The following ULBP1 variants were observed in gnomAD, a reference collection of about 807,000 sequenced individuals.
The protein encoded by ULBP1 is UL16-binding protein 1.
Under a neutral mutation model 25.3 loss-of-function variants are expected in ULBP1, and 28 were observed. The observed-to-expected ratio is 1.10, with a 90% confidence interval of 0.82 to 1.51. The LOEUF (loss-of-function observed/expected upper bound fraction) is 1.51. Ranked by LOEUF, ULBP1 falls within the 40% of genes most tolerant of loss-of-function variation. ULBP1 has a pLI of 0.00. For missense variants in ULBP1, 348 were observed against 290.9 expected (o/e 1.20, Z -1.43); for synonymous variants, 129 against 103.0 (o/e 1.25, Z -1.53).
chr6:149,965,787 C>G (rs1193631027), intron 1 of ULBP1, among the ~76,000 whole-genome samples: 2 of 152,128 alleles, frequency 1.3e-5, no homozygotes, highest in Non-Finnish European at 2.9e-5. Flanking sequence ...TTCACTTTCA[C>G]CACCCAGGTC....
rs1333324718 is a variant in ULBP1, at chr6:149,973,310, C to G, written c.*1964C>G. The G allele has an allele frequency of 6.6e-6, 1 of 152,154 alleles. No individual in the cohort carries two copies. Among genetic ancestry groups the G allele is most frequent in the African/African-American group, 2.4e-5 (1 of 41,442 alleles). 9.4% of individuals were successfully genotyped at this position (152,154 alleles called of 1,614,324 possible). On this transcript the variant is annotated 3_prime_UTR_variant, in exon 5 of 5. Transcript: ENST00000229708. ...CATGAACCACAGATGCTGGAGATCA[C>G]CAGACCGGGGAGAGAAGAGGGGCAC...
chr6:149,970,473 C>A (rs916493092), intron 4 of ULBP1, among the ~76,000 whole-genome samples: 2 of 152,198 alleles, frequency 1.3e-5, no homozygotes, highest in African/African-American at 4.8e-5. Context: ...GCAGCAGAAA[C>A]TCAGGCATGG....
At chr6:149,970,975 G>A (rs1461665266) in intron 4 of ULBP1, among the ~76,000 whole-genome samples, 2 of 152,248 alleles carry the variant, frequency 1.3e-5, no homozygotes, top group Middle Eastern at 3.2e-3. Context: ...GAAAGGCTGA[G>A]AGTGAAGGGA....
At position 149,968,737 on chromosome 6, in the gene ULBP1, A is replaced by G; in HGVS notation, c.216A>G (p.Lys72=). The G allele has an allele frequency of 6.2e-7, 1 of 1,614,286 alleles. No individual in the cohort carries two copies. Among genetic ancestry groups the G allele is most frequent in the Non-Finnish European group, 8.5e-7 (1 of 1,180,054 alleles). Residue 72 remains lysine (K), a synonymous_variant, in exon 2 of 5, where the codon AAA becomes AAG. Transcript: ENST00000229708. ...ATGACTGTGTTAACCACAAGGCCAAAGCCTTTGCTTCTCTGGGGAAGAAAG... is the reference window on the plus strand; with the variant it reads ...ATGACTGTGTTAACCACAAGGCCAAGGCCTTTGCTTCTCTGGGGAAGAAAG... ...LHYDCVNHKA[K]AFASLGKKVN...
At chr6:149,969,581 C>G (rs1484077369) in intron 3 of ULBP1, among the ~76,000 whole-genome samples, 1 of 152,140 alleles carries the variant, frequency 6.6e-6, no homozygotes, top group African/African-American at 2.4e-5. Context: ...GCTCTACCCA[C>G]CGCATTTCTC....
In ULBP1 at chr6:149,968,712, A is replaced by C. The variant is rs771993534; in HGVS notation, c.191A>C (p.Tyr64Ser). 6.2e-7 allele frequency: 1 copy of C among 1,614,250 alleles called. No homozygotes were observed. Among genetic ancestry groups the C allele is most frequent in the Non-Finnish European group, 8.5e-7 (1 of 1,180,050 alleles). Reference protein sequence around the residue: ...GLVDERPFLHYDCVNHKAKAF... With the variant: ...GLVDERPFLHSDCVNHKAKAF... Reference sequence around the variant, plus strand: ...GTGGATGAAAGGCCTTTTCTTCACTATGACTGTGTTAACCACAAGGCCAAA... The same window carrying C: ...GTGGATGAAAGGCCTTTTCTTCACTCTGACTGTGTTAACCACAAGGCCAAA... Residue 64 changes from tyrosine to serine, a missense_variant, in exon 2 of 5, where the codon TAT becomes TCT. Physicochemically the swap from Tyr to Ser is moderately radical, Grantham distance 144 (BLOSUM62 -2). Coordinates refer to ENST00000229708, the MANE Select transcript of ULBP1 (RefSeq NM_025218.4).
rs377724434 is a variant in ULBP1, at chr6:149,969,175, A to C, written c.440A>C (p.Lys147Thr). The part of the protein sequence containing the change: ...GSWQFLFNGQ[K>T]FLLFDSNNRK... ...TGGCAGTTCCTCTTCAATGGACAGA[A>C]GTTCCTCCTCTTTGACTCAAACAAC... Residue 147 changes from lysine to threonine, a missense_variant, in exon 3 of 5, where the codon AAG becomes ACG. Physicochemically the swap from Lys to Thr is moderately conservative, Grantham distance 78 (BLOSUM62 -1). Coordinates refer to ENST00000229708, the MANE Select transcript of ULBP1 (RefSeq NM_025218.4). The C allele has an allele frequency of 1.6e-4, 252 of 1,614,252 alleles. 1 individual carries two copies. The South Asian group carries it at 2.3e-3, about 15-fold the overall frequency.
At chr6:149,964,889 C>A (rs1180823637) in intron 1 of ULBP1, among the ~76,000 whole-genome samples, 1 of 143,020 alleles carries the variant, frequency 7.0e-6, no homozygotes, top group South Asian at 2.3e-4. Context: ...ATCGCGGTAC[C>A]CCCGAACATC....
chr6:149,968,462 T>C, intron 1 of ULBP1, 145 bp from the exon 2 acceptor site: 1 of 1,138,950 alleles, frequency 8.8e-7, no homozygotes. Context: ...TTAACTAGTT[T>C]TCATGACAGT....
Position 149,963,961 on chromosome 6 carries a change from G to A in ULBP1, c.-89G>A, listed in dbSNP as rs1213303501. On this transcript the variant is annotated 5_prime_UTR_variant, in exon 1 of 5. Coordinates refer to ENST00000229708, the MANE Select transcript of ULBP1 (RefSeq NM_025218.4). ...GCCCAGTGTATCCCTGCGCGCGGCG[G>A]GCCGGGCTGGGCAGCTTTATAAACA... 1.5e-6 allele frequency: 2 copies of A among 1,357,360 alleles called. No homozygotes were observed. The highest frequency in any genetic ancestry group is 1.0e-6 in the Non-Finnish European group (1 of 974,108). The allele number at this position is 1,357,360 out of a possible 1,614,324, so 84.1% of individuals were successfully genotyped here. A position where few individuals can be genotyped will look rare whatever the true frequency, so the allele number is the denominator to read the frequency against.
chr6:149,968,675 G>C lies in ULBP1; in HGVS notation c.154G>C (p.Val52Leu), dbSNP rs201176104. 1.5e-5 allele frequency: 25 copies of C among 1,614,010 alleles called. No homozygotes were observed. Among genetic ancestry groups the C allele is most frequent in the Middle Eastern group, 1.6e-4 (1 of 6,082 alleles). ...KSRPEPQWCE[V>L]QGLVDERPFL... ...CAGACCTGAACCACAGTGGTGTGAA[G>C]TTCAAGGCCTGGTGGATGAAAGGCC... Residue 52 changes from valine (V) to leucine (L), a missense_variant, in exon 2 of 5, where the codon GTT becomes CTT. By Grantham distance (32) the Val-to-Leu change is conservative. Coordinates refer to ENST00000229708, the MANE Select transcript of ULBP1 (RefSeq NM_025218.4).
At chr6:149,968,200 C>T (rs1374253471) in intron 1 of ULBP1, among the ~76,000 whole-genome samples, 1 of 152,166 alleles carries the variant, frequency 6.6e-6, no homozygotes, top group East Asian at 1.9e-4. Flanking sequence ...CTCACCCCAC[C>T]CACTGTGCTG....
At position 149,964,130 on chromosome 6, in the gene ULBP1, G is replaced by A; in HGVS notation, c.81G>A (p.Trp27Ter). The change falls in exon 1 of 5, where the codon TGG becomes TGA. Residue 27 changes from tryptophan to a stop codon, truncating the protein, a stop_gained. Coordinates refer to ENST00000229708, the MANE Select transcript of ULBP1 (RefSeq NM_025218.4). LOFTEE classifies it high-confidence loss of function. ...TGTCTGGCTGGTCCCGGGCAGGATGGGTCGGTGAGTTCGGGGATGTAGCCT... is the reference window on the plus strand; with the variant it reads ...TGTCTGGCTGGTCCCGGGCAGGATGAGTCGGTGAGTTCGGGGATGTAGCCT... Reference protein sequence around the residue: ...HLLSGWSRAGWVDTHCLCYDF... With the variant: ...HLLSGWSRAG The A allele has an allele frequency of 6.2e-7, 1 of 1,614,208 alleles. No individual in the cohort carries two copies. The highest frequency in any genetic ancestry group is 8.5e-7 in the Non-Finnish European group (1 of 1,180,026).
At position 149,971,510 on chromosome 6, in the gene ULBP1, C is replaced by T. The variant is rs2181918; in HGVS notation, c.*164C>T. ...AGCAAGCCCAGAGGCCCCCAGCAGA[C>T]GATGAGGACATTGTCGGCTCAACAT... is the stretch of plus-strand genomic sequence containing the variant. On this transcript the variant is annotated 3_prime_UTR_variant, in exon 5 of 5. Transcript: ENST00000229708. 0.053 allele frequency: 27,517 copies of T among 516,776 alleles called. 2,338 individuals carry two copies. Among genetic ancestry groups the T allele is most frequent in the East Asian group, 0.32 (2,001 of 6,232 alleles). The allele number at this position is 516,776 out of a possible 1,614,324, so 32.0% of individuals were successfully genotyped here.
intron 1 of ULBP1, 149 bp downstream of exon 1, chr6:149,964,283 T>TCCGAACGTCGCGGTCTCC: frequency 3.6e-6 from 3 of 841,054 alleles, no homozygotes; most frequent in Admixed American, 2.8e-5. Context: ...TCGCGGTCCC[T>TCCGAACGTCGCGGTCTCC]CCGAACGTCG....
At chr6:149,965,150 CGA>C in intron 1 of ULBP1, among the ~76,000 whole-genome samples, 3 of 142,936 alleles carry the variant, frequency 2.1e-5, no homozygotes, top group Admixed American at 1.3e-4. Context: ...CCGAACATCG[CGA>C]TCCCCCAGAA....
rs62441832 is a variant in ULBP1 at position 149,971,434 on chromosome 6, C to T, written c.*88C>T. 154,022 of 980,346 alleles carry T rather than the reference C, an allele frequency of 0.16. 17,459 individuals are homozygous for T. Among genetic ancestry groups the T allele is most frequent in the African/African-American group, 0.55 (31,225 of 56,666 alleles). 60.7% of individuals were successfully genotyped at this position (980,346 alleles called of 1,614,324 possible). ...GGTCCTGCTCTCCCTTCAGGGAGGC[C>T]GCCTGTCTACTCACCACTGTGCCTT... is the stretch of plus-strand genomic sequence containing the variant. On this transcript the variant is annotated 3_prime_UTR_variant, in exon 5 of 5. Transcript: ENST00000229708.
At position 149,970,010 on chromosome 6, in the gene ULBP1, T is replaced by C; in HGVS notation, c.626-6T>C. ...AAGGGTTGTCACTCCTGTGTTTCCA[T>C]TTCAGAACCACCCTCTCTGGCCCCA... On this transcript the variant is annotated splice_region_variant and splice_polypyrimidine_tract_variant and intron_variant, in intron 3 of 4. Transcript: ENST00000229708. 3 of 1,609,364 alleles carry C rather than the reference T, an allele frequency of 1.9e-6. No individual in the cohort carries two copies. The highest frequency in any genetic ancestry group is 2.5e-6 in the Non-Finnish European group (3 of 1,177,794).
chr6:149,969,922 C>T lies in ULBP1; in HGVS notation c.626-94C>T, dbSNP rs1779283293. On this transcript the variant is annotated intron_variant, in intron 3 of 4. Coordinates refer to ENST00000229708, the MANE Select transcript of ULBP1 (RefSeq NM_025218.4). ...CAGCAGAGGGGGACAAAAGGTCTGC[C>T]TTCCAGGATGACCTGGGGTGGCAGG... 7.4e-6 allele frequency: 11 copies of T among 1,490,108 alleles called. No homozygotes were observed. The South Asian group carries it at 7.9e-5, about 11-fold the overall frequency. The allele number at this position is 1,490,108 out of a possible 1,614,324, so 92.3% of individuals were successfully genotyped here. A position where few individuals can be genotyped will look rare whatever the true frequency, so the allele number is the denominator to read the frequency against.
Sources: allele counts gnomAD v4.1 joint callset (sites outside exome capture counted in the v4.1 genomes callset), GRCh38; gene constraint gnomAD v4.1.1; transcripts MANE v1.5; gene names NCBI Gene and HGNC (gene_info 2026-07-23, HGNC 2026-07-21).